BRD10: variants seen among roughly 807,000 people sequenced by gnomAD.
The protein encoded by BRD10 is bromodomain containing 10, also known as uncharacterized bromodomain-containing protein 10.
At chr9:5,923,187 T>G in the BRD10 span, 1 of 1,613,988 alleles carries the variant, frequency 6.2e-7, no homozygotes, top group Non-Finnish European at 8.5e-7. Context: ...ACATAATCAG[T>G]TTGTTTGGAC....
chr9:6,004,612 C>T, the BRD10 span, among the ~76,000 whole-genome samples: 3 of 152,128 alleles, frequency 2.0e-5, no homozygotes, highest in African/African-American at 4.8e-5. Flanking sequence ...AAATATATTC[C>T]AGAAGTCAAC....
the BRD10 span, among the ~76,000 whole-genome samples, chr9:5,987,161 A>G: frequency 6.7e-6 from 1 of 149,082 alleles, no homozygotes; most frequent in Non-Finnish European, 1.5e-5. Context: ...CTCAATAAAC[A>G]TTAGCCATTC....
chr9:5,921,305 G>A, the BRD10 span: 10 of 1,613,920 alleles, frequency 6.2e-6, no homozygotes, highest in Non-Finnish European at 7.6e-6. Flanking sequence ...CACAGCTGGT[G>A]ATGAATTTAT....
the BRD10 span, chr9:5,945,029 G>T: frequency 2.8e-6 from 2 of 713,608 alleles, no homozygotes; most frequent in Non-Finnish European, 2.2e-6. Flanking sequence ...GGTAACAGAA[G>T]TTGTTTTAAC....
At chr9:5,964,416 G>A in the BRD10 span, among the ~76,000 whole-genome samples, 9 of 151,522 alleles carry the variant, frequency 5.9e-5, no homozygotes, top group Non-Finnish European at 1.3e-4. Flanking sequence ...ACAGGTGCTG[G>A]AGAGGATGTG....
the BRD10 span, among the ~76,000 whole-genome samples, chr9:5,886,223 G>T: frequency 1.3e-5 from 2 of 152,210 alleles, no homozygotes; most frequent in Admixed American, 6.5e-5. Context: ...GTAAGCAGAT[G>T]CCAAAGAGGC....
the BRD10 span, among the ~76,000 whole-genome samples, chr9:5,977,742 C>T: frequency 2.6e-5 from 4 of 151,842 alleles, no homozygotes; most frequent in African/African-American, 9.7e-5. Flanking sequence ...GGCTGAGGCA[C>T]GAGAATGGTG....
chr9:5,968,181 T>C, the BRD10 span: 2 of 1,611,240 alleles, frequency 1.2e-6, no homozygotes. Context: ...TTTTTCTTCT[T>C]TTTTGCCCTC....
chr9:5,993,799 C>G, the BRD10 span, among the ~76,000 whole-genome samples: 3 of 152,314 alleles, frequency 2.0e-5, no homozygotes, highest in East Asian at 3.9e-4. Flanking sequence ...AATCAGCCTT[C>G]TGGGGCACAG....
chr9:5,910,048 A>G, the BRD10 span: 1 of 152,218 alleles, frequency 6.6e-6, no homozygotes, highest in African/African-American at 2.4e-5. Flanking sequence ...TTTTAACCTA[A>G]GAAAATACTA....
At chr9:5,975,630 G>T in the BRD10 span, among the ~76,000 whole-genome samples, 1 of 152,060 alleles carries the variant, frequency 6.6e-6, no homozygotes, top group Admixed American at 6.6e-5. Context: ...ATTTATGACA[G>T]ATTAGACACG....
the BRD10 span, among the ~76,000 whole-genome samples, chr9:5,965,618 CATT>C: frequency 6.6e-6 from 1 of 152,194 alleles, no homozygotes; most frequent in African/African-American, 2.4e-5. Context: ...ATGACTTAAA[CATT>C]ATATACACCA....
At chr9:5,968,169 T>TC in the BRD10 span, 1 of 1,605,564 alleles carries the variant, frequency 6.2e-7, no homozygotes, top group South Asian at 1.1e-5. Context: ...TTCTTTTTTT[T>TC]CTTTTTCTTC....
chr9:5,988,924 T>A, the BRD10 span, among the ~76,000 whole-genome samples: 1 of 152,112 alleles, frequency 6.6e-6, no homozygotes, highest in Non-Finnish European at 1.5e-5. Flanking sequence ...AAATGATACA[T>A]AAACACTTTG....
chr9:5,933,358 C>T, the BRD10 span, among the ~76,000 whole-genome samples: 2 of 152,120 alleles, frequency 1.3e-5, no homozygotes, highest in Non-Finnish European at 2.9e-5. Flanking sequence ...CAGTATTTTT[C>T]TTTTATGAAT....
the BRD10 span, among the ~76,000 whole-genome samples, chr9:5,930,369 T>TTTTATATATATATATATATA: frequency 0.014 from 1,936 of 134,818 alleles, 42 homozygotes; most frequent in Middle Eastern, 0.024. Flanking sequence ...TATAAGGAGA[T>TTTTATATATATATATATATA]TATATATATA....
the BRD10 span, among the ~76,000 whole-genome samples, chr9:5,939,193 AAT>A: frequency 6.6e-6 from 1 of 152,126 alleles, no homozygotes; most frequent in Non-Finnish European, 1.5e-5. Context: ...AGCCGTTATT[AAT>A]GTTATAAAAC....
the BRD10 span, chr9:6,007,782 A>C: frequency 6.5e-7 from 1 of 1,543,522 alleles, no homozygotes; most frequent in Non-Finnish European, 8.7e-7. Context: ...TCCCGGGCAC[A>C]CTCATGCCCC....
the BRD10 span, among the ~76,000 whole-genome samples, chr9:5,901,500 G>C: frequency 2.0e-5 from 3 of 152,012 alleles, no homozygotes; most frequent in African/African-American, 7.2e-5. Context: ...GTCTATTGAT[G>C]TATCAGAATA....
Sources: gnomAD v4.1 joint callset for allele counts (sites outside exome capture counted in the v4.1 genomes callset) on GRCh38, gnomAD v4.1.1 for gene constraint, MANE v1.5 for transcripts, NCBI Gene and HGNC (gene_info 2026-07-23, HGNC 2026-07-21) for gene names.